Variants in DMXL1 observed in about 807,000 individuals in gnomAD.
DMXL1 encodes the protein dmX-like protein 1.
Under a neutral mutation model 319.2 loss-of-function variants are expected in DMXL1, and 99 were observed. The observed-to-expected ratio is 0.31, with a 90% confidence interval of 0.26 to 0.37. The LOEUF (loss-of-function observed/expected upper bound fraction) is 0.37, where lower values mean the gene tolerates loss of function less well. Among genes scored for constraint, DMXL1 ranks in the 10% least tolerant of loss-of-function variants. DMXL1 has a pLI of 1.00. For synonymous variants in DMXL1, 1,385 were observed against 1,235.2 expected, an observed-to-expected ratio of 1.12 and a Z score of -2.54; for missense variants, 3,745 against 3,595.6, an observed-to-expected ratio of 1.04 and a Z score of -1.06.
In DMXL1 at chr5:119,149,146, G is replaced by C. The variant is rs139864710; in HGVS notation, c.3319G>C (p.Asp1107His). ...TTTAGATGAGTTAAGCACAGTATTG[G>C]ATTCTGGCATTAGTGTTGATAGCAA... The part of the protein sequence containing the change: ...IHLDELSTVL[D>H]SGISVDSNLV... Residue 1107 changes from aspartate to histidine, a missense_variant, in exon 18 of 44, where the codon GAT becomes CAT. Asp to His is a moderately conservative substitution (Grantham distance 81). Coordinates refer to ENST00000539542, the MANE Select transcript of DMXL1 (RefSeq NM_001290321.3). The C allele has an allele frequency of 6.2e-7, 1 of 1,613,724 alleles. No homozygotes were observed. Among genetic ancestry groups the C allele is most frequent in the Non-Finnish European group, 8.5e-7 (1 of 1,179,846 alleles).
At chr5:119,159,748 C>G (rs534951291) in intron 19 of DMXL1, among the ~76,000 whole-genome samples, 2 of 152,184 alleles carry the variant, frequency 1.3e-5, no homozygotes, top group South Asian at 4.1e-4. Flanking sequence ...CTCAATCTCT[C>G]AAGTAGCTGG....
At chr5:119,236,867 T>C (rs541223068) in intron 39 of DMXL1, 1 of 152,070 alleles carries the variant, frequency 6.6e-6, no homozygotes, top group African/African-American at 2.4e-5. Flanking sequence ...TGAGCTCCCA[T>C]AGCGGAATTA....
intron 38 of DMXL1, among the ~76,000 whole-genome samples, chr5:119,229,042 C>T (rs1196178333): frequency 2.7e-5 from 4 of 148,072 alleles, no homozygotes; most frequent in Non-Finnish European, 5.9e-5. Flanking sequence ...CGGCTGGGCG[C>T]GGTGACTCAT....
At chr5:119,162,953 A>G (rs1254940321) in intron 19 of DMXL1, among the ~76,000 whole-genome samples, 4 of 152,218 alleles carry the variant, frequency 2.6e-5, no homozygotes, top group East Asian at 1.9e-4. Flanking sequence ...ATTTGAGGCC[A>G]TATATCTCAA....
chr5:119,107,077 C>T lies in DMXL1; in HGVS notation c.364+1819C>T, dbSNP rs550602850. 5.3e-5 allele frequency among the ~76,000 whole-genome samples: 8 copies of T among 152,116 alleles called. No individual in the cohort carries two copies. The East Asian group carries it at 1.4e-3, about 26-fold the overall frequency. On this transcript the variant is annotated intron_variant, in intron 4 of 43. Coordinates refer to ENST00000539542, the MANE Select transcript of DMXL1 (RefSeq NM_001290321.3). ...TGGGGCTGGGCACGGTGGTTCAAACCTGTAATATCAGCACTTTAGGAGGCT... is the reference window on the plus strand; with the variant it reads ...TGGGGCTGGGCACGGTGGTTCAAACTTGTAATATCAGCACTTTAGGAGGCT...
chr5:119,130,937 T>A (rs1580900580), intron 10 of DMXL1, among the ~76,000 whole-genome samples: 1 of 152,084 alleles, frequency 6.6e-6, no homozygotes, highest in African/African-American at 2.4e-5. Flanking sequence ...CAGTTTATAC[T>A]TCCTCTAAGT....
intron 2 of DMXL1, among the ~76,000 whole-genome samples, chr5:119,099,716 T>G (rs1427951204): frequency 6.6e-6 from 1 of 152,136 alleles, no homozygotes; most frequent in Non-Finnish European, 1.5e-5. Flanking sequence ...AATGAAGAAA[T>G]CATGGCCATG....
At chr5:119,229,888 G>A (rs909303198) in intron 38 of DMXL1, among the ~76,000 whole-genome samples, 11 of 152,066 alleles carry the variant, frequency 7.2e-5, no homozygotes, top group African/African-American at 4.8e-5. Context: ...GTGTGTCACA[G>A]GACACCTTTA....
intron 4 of DMXL1, among the ~76,000 whole-genome samples, chr5:119,109,634 G>T (rs1253229694): frequency 6.6e-6 from 1 of 152,068 alleles, no homozygotes; most frequent in Non-Finnish European, 1.5e-5. Context: ...ATGTCTTCAT[G>T]CCTTTGTTCA....
intron 9 of DMXL1, among the ~76,000 whole-genome samples, chr5:119,125,607 C>T (rs1330193006): frequency 6.6e-6 from 1 of 152,060 alleles, no homozygotes; most frequent in African/African-American, 2.4e-5. Context: ...CTCTGTTGCC[C>T]AGGCTGAAGT....
chr5:119,102,423 C>T (rs988214187), intron 3 of DMXL1, among the ~76,000 whole-genome samples: 1 of 152,124 alleles, frequency 6.6e-6, no homozygotes, highest in African/African-American at 2.4e-5. Flanking sequence ...GTAATACAGT[C>T]GTTAACAGGT....
intron 9 of DMXL1, 46 bp downstream of exon 9, chr5:119,121,185 G>C (rs764584706): frequency 6.8e-7 from 1 of 1,471,194 alleles, no homozygotes; most frequent in African/African-American, 1.4e-5. Context: ...TGAATAGATT[G>C]ATTTTATAAC....
In DMXL1 at chr5:119,189,865, C is replaced by G. The variant is rs1236191839; in HGVS notation, c.7293C>G (p.Ile2431Met). 2.5e-6 allele frequency: 4 copies of G among 1,613,860 alleles called. No individual in the cohort carries two copies. Among genetic ancestry groups the G allele is most frequent in the South Asian group, 2.2e-5 (2 of 91,066 alleles). The change falls in exon 29 of 44, where the codon ATC (isoleucine) becomes ATG (methionine). Residue 2431 changes from isoleucine to methionine, a missense_variant. Coordinates refer to ENST00000539542, the MANE Select transcript of DMXL1 (RefSeq NM_001290321.3). ...KEKFIPPELS[I>M]WDYFIAKPFL... ...AGTTCATCCCACCTGAGCTCAGTAT[C>G]TGGGACTATTTCATAGCTAAGGTAA...
intron 1 of DMXL1, among the ~76,000 whole-genome samples, chr5:119,092,130 CTCTT>C (rs1233038309): frequency 6.6e-6 from 1 of 152,080 alleles, no homozygotes; most frequent in African/African-American, 2.4e-5. Flanking sequence ...ATGTGGAAGT[CTCTT>C]TGTCTTTTTT....
At chr5:119,128,033 A>C (rs1384299253) in intron 9 of DMXL1, 3 of 431,012 alleles carry the variant, frequency 7.0e-6, no homozygotes, top group Non-Finnish European at 1.4e-5. Context: ...ATGATTCTCC[A>C]TTTAGGTGGT....
intron 4 of DMXL1, 111 bp downstream of exon 4, chr5:119,105,369 C>A: frequency 1.3e-6 from 1 of 791,162 alleles, no homozygotes; most frequent in South Asian, 1.7e-5. Flanking sequence ...GTGGGGAATA[C>A]CAAAGAAGTA....
At chr5:119,209,853 A>G (rs1479870753) in intron 34 of DMXL1, among the ~76,000 whole-genome samples, 2 of 152,128 alleles carry the variant, frequency 1.3e-5, no homozygotes, top group Admixed American at 6.5e-5. Context: ...TTCTTGATTC[A>G]ATTTTAACAG....
At chr5:119,199,921 GTGTT>G (rs957708116) in intron 32 of DMXL1, among the ~76,000 whole-genome samples, 15 of 152,030 alleles carry the variant, frequency 9.9e-5, no homozygotes, top group Non-Finnish European at 1.6e-4. Flanking sequence ...TTTAATGGTG[GTGTT>G]TGTTTTTCTT....
intron 19 of DMXL1, among the ~76,000 whole-genome samples, chr5:119,155,545 A>G (rs1770819705): frequency 6.6e-6 from 1 of 152,288 alleles, no homozygotes; most frequent in South Asian, 2.1e-4. Flanking sequence ...TCTCAGGGTA[A>G]AACTTCAGCA....
Sources: allele counts gnomAD v4.1 joint callset (sites outside exome capture counted in the v4.1 genomes callset), GRCh38; gene constraint gnomAD v4.1.1; transcripts MANE v1.5; gene names NCBI Gene and HGNC (gene_info 2026-07-23, HGNC 2026-07-21).